The following ALK variants were observed in gnomAD, a reference collection of about 807,000 sequenced individuals.
The protein encoded by ALK is ALK receptor tyrosine kinase.
A neutral mutation model predicts 163.1 loss-of-function variants in ALK; 74 were observed. That is an observed-to-expected ratio of 0.45 (90% CI 0.38 to 0.55). ALK has a LOEUF of 0.55. ALK is among the 20% of genes least tolerant of loss of function. The pLI is 0.00. For synonymous variants in ALK, 960 were observed against 843.2 expected (o/e 1.14, Z -2.40); for missense variants, 2,063 against 2,105.3 (o/e 0.98, Z 0.39).
chr2:29,663,340 G>T (rs1006928584), intron 3 of ALK, among the ~76,000 whole-genome samples: 1 of 152,092 alleles, frequency 6.6e-6, no homozygotes, highest in Non-Finnish European at 1.5e-5. Context: ...ATCACTTCAG[G>T]TGAGTCAAAG....
intron 4 of ALK, among the ~76,000 whole-genome samples, chr2:29,460,442 G>A (rs1478868816): frequency 6.6e-6 from 1 of 152,112 alleles, no homozygotes; most frequent in Non-Finnish European, 1.5e-5. Context: ...ACAAACTGAA[G>A]ATTTGTGGCA....
intron 1 of ALK, among the ~76,000 whole-genome samples, chr2:29,769,121 A>T (rs769455195): frequency 3.3e-5 from 5 of 149,552 alleles, no homozygotes; most frequent in Non-Finnish European, 7.4e-5. Flanking sequence ...GGTGTGAGCC[A>T]CAGCATCTGG....
chr2:29,403,709 C>CAAAAAAAAAAA (rs67270103), intron 4 of ALK, among the ~76,000 whole-genome samples: 2 of 74,184 alleles, frequency 2.7e-5, no homozygotes, highest in Non-Finnish European at 4.5e-5. Context: ...CAGGTCTCTA[C>CAAAAAAAAAAA]AAAAAAAAAA....
Position 29,920,293 on chromosome 2 carries a change from G to A in ALK, c.367C>T (p.Leu123=). ...GAGCCGCCCTTCAGCACCCTGGACA[G>A]CGTCCGGGCCTCTGCCGGGGCTGGT... ...GSPAPAEART[L]SRVLKGGSVR... Residue 123 remains leucine (L), a synonymous_variant, in exon 1 of 29, where the codon CTG becomes TTG. Transcript: ENST00000389048. 6.4e-7 allele frequency: 1 copy of A among 1,571,386 alleles called. No individual in the cohort carries two copies. Among genetic ancestry groups the A allele is most frequent in the Non-Finnish European group, 8.6e-7 (1 of 1,159,482 alleles).
intron 1 of ALK, among the ~76,000 whole-genome samples, chr2:29,835,442 C>T (rs1665533981): frequency 1.3e-5 from 2 of 152,198 alleles, no homozygotes; most frequent in South Asian, 4.1e-4. Context: ...TTGTACAGAA[C>T]TGAAAATGAA....
chr2:29,579,993 T>C (rs1055563140), intron 3 of ALK, among the ~76,000 whole-genome samples: 4 of 152,108 alleles, frequency 2.6e-5, no homozygotes, highest in African/African-American at 9.7e-5. Context: ...TGCTTTCTCC[T>C]CCTCAACCCA....
intron 4 of ALK, among the ~76,000 whole-genome samples, chr2:29,409,101 C>G (rs981645875): frequency 6.6e-6 from 1 of 152,068 alleles, no homozygotes; most frequent in African/African-American, 2.4e-5. Context: ...GTAATGTAAG[C>G]GAAGGAGAGA....
intron 1 of ALK, among the ~76,000 whole-genome samples, chr2:29,842,141 G>C (rs932249959): frequency 2.0e-5 from 3 of 151,822 alleles, no homozygotes; most frequent in Non-Finnish European, 4.4e-5. Flanking sequence ...GACTTTGAAG[G>C]AGAGCCTGCC....
rs1319570098 is a variant in ALK at position 29,220,920 on chromosome 2, A to C, written c.3516-85T>G. ...ACTGGGAGGAACAGGATACAAAGTT[A>C]CATTTTCAGCAGCTACAATGTATAA... On this transcript the variant is annotated intron_variant, in intron 22 of 28. Coordinates refer to ENST00000389048, the MANE Select transcript of ALK (RefSeq NM_004304.5). The C allele has an allele frequency of 2.0e-5, 31 of 1,580,128 alleles. No homozygotes were observed. In the South Asian group the frequency reaches 3.1e-4, roughly 16 times the overall value.
chr2:29,759,367 A>G (rs935358019), intron 1 of ALK, among the ~76,000 whole-genome samples: 6 of 152,226 alleles, frequency 3.9e-5, no homozygotes, highest in Non-Finnish European at 8.8e-5. Context: ...TGAGACCTCC[A>G]TGAGGTACTA....
chr2:29,256,537 C>A (rs1045035816), intron 11 of ALK, among the ~76,000 whole-genome samples: 1 of 151,926 alleles, frequency 6.6e-6, no homozygotes, highest in East Asian at 1.9e-4. Flanking sequence ...AAATGTAGAT[C>A]TTCTGAGTCC....
intron 4 of ALK, among the ~76,000 whole-genome samples, chr2:29,429,290 C>A (rs377183121): frequency 6.6e-6 from 1 of 151,758 alleles, no homozygotes; most frequent in Admixed American, 6.6e-5. Context: ...TAAAAAGCAA[C>A]CAGACTGAAA....
intron 11 of ALK, among the ~76,000 whole-genome samples, chr2:29,264,761 T>A (rs1009269979): frequency 1.3e-5 from 2 of 152,234 alleles, no homozygotes; most frequent in African/African-American, 2.4e-5. Context: ...GGGACACTTT[T>A]GGCCCTTTGG....
intron 26 of ALK, among the ~76,000 whole-genome samples, chr2:29,205,368 G>C (rs1377767588): frequency 1.3e-5 from 2 of 152,182 alleles, no homozygotes; most frequent in Non-Finnish European, 2.9e-5. Flanking sequence ...TGGGTAGCTT[G>C]CTTGCTTGTT....
chr2:29,847,798 AAG>A (rs914381894), intron 1 of ALK, among the ~76,000 whole-genome samples: 20 of 152,042 alleles, frequency 1.3e-4, no homozygotes, highest in Non-Finnish European at 2.4e-4. Context: ...GGGGTAAAAA[AAG>A]AGAGAAAGGA....
intron 11 of ALK, among the ~76,000 whole-genome samples, chr2:29,272,188 G>C (rs1326013258): frequency 6.8e-6 from 1 of 147,526 alleles, no homozygotes; most frequent in African/African-American, 2.6e-5. Context: ...GGGTGAGGGA[G>C]AGAGAGAGAG....
chr2:29,558,360 T>C (rs1291954015), intron 3 of ALK, among the ~76,000 whole-genome samples: 1 of 152,190 alleles, frequency 6.6e-6, no homozygotes, highest in Non-Finnish European at 1.5e-5. Flanking sequence ...CTTGGAGCTT[T>C]GTGGCTTTTT....
At chr2:29,393,012 G>A (rs75603088) in intron 4 of ALK, among the ~76,000 whole-genome samples, 154 of 1,738 alleles carry the variant, frequency 0.089, 1 homozygote, top group East Asian at 0.27. Context: ...AGGTCACTGA[G>A]TGTTCAAGGT....
chr2:29,198,981 TCTCA>T (rs1669092672), intron 26 of ALK, among the ~76,000 whole-genome samples: 2 of 151,542 alleles, frequency 1.3e-5, no homozygotes, highest in South Asian at 2.1e-4. Flanking sequence ...TTTTATGTAG[TCTCA>T]CTCTGTTACT....
Sources: gnomAD v4.1 joint callset for allele counts (sites outside exome capture counted in the v4.1 genomes callset) on GRCh38, gnomAD v4.1.1 for gene constraint, MANE v1.5 for transcripts, NCBI Gene and HGNC (gene_info 2026-07-23, HGNC 2026-07-21) for gene names.